HNF4G: variants seen among roughly 807,000 people sequenced by gnomAD.
HNF4G encodes hepatocyte nuclear factor 4-gamma.
HNF4G carries 21 observed loss-of-function variants against 50.9 expected under a neutral mutation model. The ratio of observed to expected loss-of-function variants is 0.41; its 90% CI spans 0.29 to 0.59. HNF4G has a LOEUF of 0.59. Among genes scored for constraint, HNF4G ranks in the 20% least tolerant of loss-of-function variants. The pLI is 0.26. For missense variants in HNF4G, 527 were observed against 559.4 expected (o/e 0.94, Z 0.58); for synonymous variants, 198 against 185.6 (o/e 1.07, Z -0.54).
At chr8:75,431,011 A>T (rs576516713) in intron 1 of HNF4G, among the ~76,000 whole-genome samples, 1 of 152,170 alleles carries the variant, frequency 6.6e-6, no homozygotes, top group Non-Finnish European at 1.5e-5. Flanking sequence ...ACAAACAGAT[A>T]CATTTAAAAA....
chr8:75,506,118 A>G (rs1171834388), intron 2 of HNF4G, among the ~76,000 whole-genome samples: 3 of 152,022 alleles, frequency 2.0e-5, no homozygotes, highest in African/African-American at 7.2e-5. Context: ...ATTAGAGAGA[A>G]TTATACCTTT....
chr8:75,499,745 T>C (rs1812874237), intron 2 of HNF4G, among the ~76,000 whole-genome samples: 2 of 151,964 alleles, frequency 1.3e-5, no homozygotes, highest in African/African-American at 4.8e-5. Context: ...CATATATTCA[T>C]GATAAATTGA....
At chr8:75,537,526 G>A (rs190614891), upstream of HNF4G, among the ~76,000 whole-genome samples, 194 of 152,132 alleles carry the variant, frequency 1.3e-3, 4 homozygotes, top group Admixed American at 0.013. Flanking sequence ...GATTACAGGC[G>A]TGAGCTACCG....
intron 2 of HNF4G, among the ~76,000 whole-genome samples, chr8:75,544,868 A>G (rs1052840401): frequency 8.5e-5 from 13 of 152,154 alleles, no homozygotes; most frequent in Admixed American, 5.9e-4. Context: ...AACAGATTGG[A>G]CATTTGGGAA....
chr8:75,452,110 G>GGA (rs1811599302), intron 1 of HNF4G, among the ~76,000 whole-genome samples: 1 of 152,062 alleles, frequency 6.6e-6, no homozygotes, highest in African/African-American at 2.4e-5. Flanking sequence ...GTGGAAGGAG[G>GGA]GAGATCATAT....
chr8:75,558,438 G>T, intron 6 of HNF4G, 80 bp from the exon 7 acceptor site: 1 of 1,334,628 alleles, frequency 7.5e-7, no homozygotes, highest in East Asian at 2.4e-5. Context: ...ACACCGGTTT[G>T]TTAAATTTTA....
At chr8:75,534,653 T>G (rs1041758538) in intron 2 of HNF4G, among the ~76,000 whole-genome samples, 2 of 151,940 alleles carry the variant, frequency 1.3e-5, no homozygotes, top group Non-Finnish European at 2.9e-5. Context: ...TATAGTAGCA[T>G]CTTTCTAAAC....
intron 1 of HNF4G, among the ~76,000 whole-genome samples, chr8:75,480,772 G>A (rs922320964): frequency 2.7e-5 from 4 of 148,036 alleles, no homozygotes; most frequent in Non-Finnish European, 4.5e-5. Flanking sequence ...ATGCAGTGGC[G>A]TGATCTCGGC....
chr8:75,562,116 C>A (rs1481287967), intron 9 of HNF4G, among the ~76,000 whole-genome samples: 2 of 143,116 alleles, frequency 1.4e-5, no homozygotes, highest in Admixed American at 1.4e-4. Flanking sequence ...TTACAATAGT[C>A]TTTAATAGCT....
intron 1 of HNF4G, among the ~76,000 whole-genome samples, chr8:75,418,868 C>T (rs904773187): frequency 6.6e-6 from 1 of 151,932 alleles, no homozygotes; most frequent in African/African-American, 2.4e-5. Context: ...GCTGGGACTA[C>T]AGGCATGAGC....
At chr8:75,491,751 C>T (rs977160509) in intron 2 of HNF4G, among the ~76,000 whole-genome samples, 5 of 152,218 alleles carry the variant, frequency 3.3e-5, no homozygotes, top group Admixed American at 1.3e-4. Flanking sequence ...GCTAAGATTA[C>T]AGGCGTGAGC....
At chr8:75,457,568 TA>T (rs1477765174) in intron 1 of HNF4G, among the ~76,000 whole-genome samples, 3 of 152,222 alleles carry the variant, frequency 2.0e-5, no homozygotes, top group African/African-American at 7.2e-5. Flanking sequence ...TAGATTTTAC[TA>T]AGGATTATTT....
chr8:75,488,556 G>A (rs1213122254), intron 1 of HNF4G, among the ~76,000 whole-genome samples: 2 of 152,106 alleles, frequency 1.3e-5, no homozygotes, highest in South Asian at 2.1e-4. Context: ...GGGATTACAG[G>A]CATGAGCCAC....
At chr8:75,442,485 G>A (rs1336012847) in intron 1 of HNF4G, among the ~76,000 whole-genome samples, 2 of 152,014 alleles carry the variant, frequency 1.3e-5, no homozygotes, top group Non-Finnish European at 2.9e-5. Context: ...AAGGTGGGAG[G>A]ATCACTGAAC....
At chr8:75,538,357 T>G (rs1806525246), upstream of HNF4G, among the ~76,000 whole-genome samples, 1 of 152,188 alleles carries the variant, frequency 6.6e-6, no homozygotes, top group Non-Finnish European at 1.5e-5. Flanking sequence ...GACAGCATTG[T>G]TCTCCTGAGC....
upstream of HNF4G, among the ~76,000 whole-genome samples, chr8:75,535,483 T>G (rs1363130324): frequency 1.3e-5 from 2 of 151,824 alleles, no homozygotes; most frequent in Non-Finnish European, 3.0e-5. Context: ...CTGGGTTGAT[T>G]TAGATTGTTA....
chr8:75,523,734 T>C (rs1456335865), intron 2 of HNF4G, among the ~76,000 whole-genome samples: 1 of 151,472 alleles, frequency 6.6e-6, no homozygotes, highest in Non-Finnish European at 1.5e-5. Flanking sequence ...AATAGTATTA[T>C]ATTTTATAAT....
chr8:75,535,237 T>C (rs1806431359), upstream of HNF4G, among the ~76,000 whole-genome samples: 1 of 151,832 alleles, frequency 6.6e-6, no homozygotes, highest in African/African-American at 2.4e-5. Context: ...TTGTTTGTTG[T>C]AATTTGTGAA....
chr8:75,510,520 C>G (rs910001337), intron 2 of HNF4G, among the ~76,000 whole-genome samples: 8 of 152,142 alleles, frequency 5.3e-5, no homozygotes, highest in African/African-American at 1.9e-4. Flanking sequence ...GTGCCCTTGA[C>G]AAGAGTACCA....
Sources: allele counts gnomAD v4.1 joint callset (sites outside exome capture counted in the v4.1 genomes callset), GRCh38; gene constraint gnomAD v4.1.1; transcripts MANE v1.5; gene names NCBI Gene and HGNC (gene_info 2026-07-23, HGNC 2026-07-21).